Variants in E2F4 observed in about 807,000 individuals in gnomAD.
The protein encoded by E2F4 is E2F transcription factor 4, also known as transcription factor E2F4.
A neutral mutation model predicts 44.5 loss-of-function variants in E2F4; 16 were observed. That is an observed-to-expected ratio of 0.36 (90% CI 0.24 to 0.55). The LOEUF is 0.55. Ranked by LOEUF, E2F4 falls within the 20% of genes least tolerant of loss-of-function variation. The pLI is 0.87. For synonymous variants in E2F4, 242 were observed against 207.2 expected, an observed-to-expected ratio of 1.17 and a Z score of -1.44; for missense variants, 473 against 522.1, an observed-to-expected ratio of 0.91 and a Z score of 0.92.
At chr16:67,192,645 C>A in intron 1 of E2F4, 116 bp from the exon 2 acceptor site, 1 of 1,050,108 alleles carries the variant, frequency 9.5e-7, no homozygotes, top group Non-Finnish European at 1.4e-6. Flanking sequence ...GCTGCAGTAG[C>A]GCCTGGGAGG....
At position 67,198,241 on chromosome 16, in the gene E2F4, G is replaced by T. The variant is rs548304709; in HGVS notation, c.*118G>T. ...AGAGCCACAGACGCCTGGCTTCTCC[G>T]GCCTCCCCTCACCGCACAGTTCTGG... On this transcript the variant is annotated 3_prime_UTR_variant, in exon 10 of 10. Coordinates refer to ENST00000379378, the MANE Select transcript of E2F4 (RefSeq NM_001950.4). 62 of 859,502 alleles carry T rather than the reference G, an allele frequency of 7.2e-5. No homozygotes were observed. The Admixed American group carries it at 1.1e-3, about 16-fold the overall frequency. 53.2% of individuals were successfully genotyped at this position (859,502 alleles called of 1,614,324 possible).
In E2F4 at chr16:67,193,477, C is replaced by G; in HGVS notation, c.413C>G (p.Ala138Gly). Residue 138 changes from alanine (A) to glycine (G), a missense_variant, in exon 4 of 10, where the codon GCC (alanine) becomes GGC (glycine). By Grantham distance (60) the Ala-to-Gly change is moderately conservative. This residue lies in a region of E2F4 where 119 missense variants were observed against 175.6 expected (regional missense o/e 0.68). Coordinates refer to ENST00000379378, the MANE Select transcript of E2F4 (RefSeq NM_001950.4). Reference protein sequence around the residue: ...VTEDVQNSCLAYVTHEDICRC... With the variant: ...VTEDVQNSCLGYVTHEDICRC... ...ATTCTCCTTAACCCTCACACTTTGG[C>G]CTACGTCACTCATGAGGACATCTGC... 6.2e-7 allele frequency: 1 copy of G among 1,614,212 alleles called. No homozygotes were observed. Among genetic ancestry groups the G allele is most frequent in the Non-Finnish European group, 8.5e-7 (1 of 1,180,040 alleles).
chr16:67,198,494 T>C lies in E2F4; in HGVS notation c.*371T>C, dbSNP rs2033014216. 1 of 251,810 alleles carries C rather than the reference T, an allele frequency of 4.0e-6. No individual in the cohort carries two copies. The highest frequency in any genetic ancestry group is 7.9e-6 in the Non-Finnish European group (1 of 127,158). 15.6% of individuals were successfully genotyped at this position (251,810 alleles called of 1,614,324 possible). ...TCAGTGTCTTGCTTCTGCCAGCTCC[T>C]TCCCCTAGGAGGGAAGGGTGGGGTG... On this transcript the variant is annotated 3_prime_UTR_variant, in exon 10 of 10. Transcript: ENST00000379378.
At chr16:67,196,821 TC>T (rs2032977093) in intron 7 of E2F4, among the ~76,000 whole-genome samples, 1 of 152,144 alleles carries the variant, frequency 6.6e-6, no homozygotes, top group Non-Finnish European at 1.5e-5. Context: ...GACCCTTGGC[TC>T]TCACTCTAGT....
chr16:67,194,533 G>T, intron 5 of E2F4, 74 bp downstream of exon 5: 1 of 1,592,410 alleles, frequency 6.3e-7, no homozygotes, highest in Non-Finnish European at 8.6e-7. Flanking sequence ...AGTCCTGGGT[G>T]GGGCAAGTAG....
In E2F4 at chr16:67,192,808, T is replaced by G; in HGVS notation, c.183T>G (p.Ile61Met). The part of the protein sequence containing the change: ...AVRQKRRIYD[I>M]TNVLEGIGLI... ...GCCAGAAGCGGCGGATTTACGACATTACCAATGTTTTGGAAGGTATCGGGC... is the reference window on the plus strand; with the variant it reads ...GCCAGAAGCGGCGGATTTACGACATGACCAATGTTTTGGAAGGTATCGGGC... The change falls in exon 2 of 10, where the codon ATT (isoleucine) becomes ATG (methionine). Residue 61 changes from isoleucine to methionine, a missense_variant. Ile to Met is a conservative substitution (Grantham distance 10). This residue lies in a region of E2F4 where 119 missense variants were observed against 175.6 expected (regional missense o/e 0.68). Transcript: ENST00000379378. 6.2e-7 allele frequency: 1 copy of G among 1,613,042 alleles called. No individual in the cohort carries two copies. The highest frequency in any genetic ancestry group is 8.5e-7 in the Non-Finnish European group (1 of 1,179,522).
Position 67,195,899 on chromosome 16 carries a change from G to T in E2F4, c.926G>T (p.Ser309Ile). The change falls in exon 7 of 10, where the codon AGC becomes ATC. Residue 309 changes from serine (S) to isoleucine (I), a missense_variant. By Grantham distance (142) the Ser-to-Ile change is moderately radical. This residue lies in a region of E2F4 where 314 missense variants were observed against 315.6 expected (regional missense o/e 0.99). Coordinates refer to ENST00000379378, the MANE Select transcript of E2F4 (RefSeq NM_001950.4). ...TCTTCTGCCCTGCTGGACAGCAGCA[G>T]CAGCAGCAGCAGCAGCAGCAGCAGC... The part of the protein sequence containing the change: ...LQSSALLDSS[S>I]SSSSSSSSSS... 6.3e-7 allele frequency: 1 copy of T among 1,576,734 alleles called. No homozygotes were observed. The highest frequency in any genetic ancestry group is 8.6e-7 in the Non-Finnish European group (1 of 1,156,874).
At position 67,198,199 on chromosome 16, in the gene E2F4, G is replaced by T; in HGVS notation, c.*76G>T. The T allele has an allele frequency of 7.6e-7, 1 of 1,309,254 alleles. No individual in the cohort carries two copies. The highest frequency in any genetic ancestry group is 1.1e-6 in the Non-Finnish European group (1 of 914,420). The allele number at this position is 1,309,254 out of a possible 1,614,324, so 81.1% of individuals were successfully genotyped here. On this transcript the variant is annotated 3_prime_UTR_variant, in exon 10 of 10. Coordinates refer to ENST00000379378, the MANE Select transcript of E2F4 (RefSeq NM_001950.4). ...GGTTGCCTGGGGACCTCTCCCACCC[G>T]ACCCCTACAGAGCTTGAGAGCCACA...
Position 67,198,428 on chromosome 16 carries a change from C to T in E2F4, c.*305C>T. On this transcript the variant is annotated 3_prime_UTR_variant, in exon 10 of 10. Coordinates refer to ENST00000379378, the MANE Select transcript of E2F4 (RefSeq NM_001950.4). ...CAGTGGCACAGAACCGAGGAGCTGCCATTACCCCCCATAGGGGGCAGTGTC... is the reference window on the plus strand; with the variant it reads ...CAGTGGCACAGAACCGAGGAGCTGCTATTACCCCCCATAGGGGGCAGTGTC... 5.3e-6 allele frequency: 2 copies of T among 378,844 alleles called. No homozygotes were observed. Among genetic ancestry groups the T allele is most frequent in the Non-Finnish European group, 4.9e-6 (1 of 202,492 alleles). 23.5% of individuals were successfully genotyped at this position (378,844 alleles called of 1,614,324 possible).
chr16:67,197,971 G>A (rs774879472), intron 9 of E2F4, 37 bp from the exon 10 acceptor site: 1 of 1,613,868 alleles, frequency 6.2e-7, no homozygotes, highest in South Asian at 1.1e-5. Flanking sequence ...TGCTAGGGGA[G>A]CCCTGGCCCA....
Position 67,196,119 on chromosome 16 carries a change from C to T in E2F4, c.1033+113C>T, listed in dbSNP as rs565361574. 60 of 1,477,402 alleles carry T rather than the reference C, an allele frequency of 4.1e-5. 1 individual carries two copies. Among genetic ancestry groups the T allele is most frequent in the Admixed American group, 1.7e-4 (10 of 57,324 alleles). 91.5% of individuals were successfully genotyped at this position (1,477,402 alleles called of 1,614,324 possible). A position where few individuals can be genotyped will look rare whatever the true frequency, so the allele number is the denominator to read the frequency against. ...GATCTCCTGTCAACCCTGCTGGACACGAGAGCTCTCTGCCAGCACCTCTGG... is the reference window on the plus strand; with the variant it reads ...GATCTCCTGTCAACCCTGCTGGACATGAGAGCTCTCTGCCAGCACCTCTGG... On this transcript the variant is annotated intron_variant, in intron 7 of 9. Coordinates refer to ENST00000379378, the MANE Select transcript of E2F4 (RefSeq NM_001950.4).
intron 6 of E2F4, 48 bp from the exon 7 acceptor site, chr16:67,195,734 G>A (rs536606769): frequency 7.5e-6 from 12 of 1,608,124 alleles, no homozygotes; most frequent in African/African-American, 2.7e-5. Context: ...CAGTTTCAAC[G>A]ACCTCTTCCT....
In E2F4 at chr16:67,198,575, G is replaced by T. The variant is rs770458332; in HGVS notation, c.*452G>T. On this transcript the variant is annotated 3_prime_UTR_variant, in exon 10 of 10. Coordinates refer to ENST00000379378, the MANE Select transcript of E2F4 (RefSeq NM_001950.4). ...CTTCCTTCGCTATCCCCCACCCCCT[G>T]ACCCTCCAGCTCCTCCTGGCCCTCT... 4.6e-4 allele frequency: 87 copies of T among 188,168 alleles called. 1 individual carries two copies. Among genetic ancestry groups the T allele is most frequent in the Non-Finnish European group, 8.0e-4 (72 of 89,560 alleles). The allele number at this position is 188,168 out of a possible 1,614,324, so 11.7% of individuals were successfully genotyped here. A position where few individuals can be genotyped will look rare whatever the true frequency, so the allele number is the denominator to read the frequency against.
rs891817107 is a variant in E2F4 at position 67,198,856 on chromosome 16, C to T, written c.*733C>T. The T allele has an allele frequency of 9.0e-5, 36 of 400,864 alleles. No individual in the cohort carries two copies. The highest frequency in any genetic ancestry group is 1.4e-4 in the Non-Finnish European group (32 of 223,732). The allele number at this position is 400,864 out of a possible 1,614,324, so 24.8% of individuals were successfully genotyped here. A position where few individuals can be genotyped will look rare whatever the true frequency, so the allele number is the denominator to read the frequency against. ...ATAAAGATTATTTTTATACTTTTTGCAGCAAAAGGAAATTGTAATATTTGT... is the reference window on the plus strand; with the variant it reads ...ATAAAGATTATTTTTATACTTTTTGTAGCAAAAGGAAATTGTAATATTTGT... On this transcript the variant is annotated 3_prime_UTR_variant, in exon 10 of 10. Coordinates refer to ENST00000379378, the MANE Select transcript of E2F4 (RefSeq NM_001950.4).
chr16:67,198,303 C>G lies in E2F4; in HGVS notation c.*180C>G. On this transcript the variant is annotated 3_prime_UTR_variant, in exon 10 of 10. Transcript: ENST00000379378. ...GCTCCTGTGCTGGCACTTCTGTGCTCGCAGAGCAGGGGAACAGGACTCAGC... is the reference window on the plus strand; with the variant it reads ...GCTCCTGTGCTGGCACTTCTGTGCTGGCAGAGCAGGGGAACAGGACTCAGC... The G allele has an allele frequency of 4.9e-6, 3 of 609,388 alleles. No homozygotes were observed. Among genetic ancestry groups the G allele is most frequent in the Non-Finnish European group, 8.8e-6 (3 of 342,020 alleles). 37.7% of individuals were successfully genotyped at this position (609,388 alleles called of 1,614,324 possible). A position where few individuals can be genotyped will look rare whatever the true frequency, so the allele number is the denominator to read the frequency against.
intron 4 of E2F4, 24 bp from the exon 5 acceptor site, chr16:67,194,374 G>A: frequency 6.2e-7 from 1 of 1,613,780 alleles, no homozygotes; most frequent in South Asian, 1.1e-5. Flanking sequence ...CATGGGCTCT[G>A]ACCCATTCTC....
rs751631573 is a variant in E2F4 at position 67,194,845 on chromosome 16, C to T, written c.673C>T (p.Pro225Ser). The change falls in exon 6 of 10, where the codon CCT becomes TCT. Residue 225 changes from proline to serine, a missense_variant. Coordinates refer to ENST00000379378, the MANE Select transcript of E2F4 (RefSeq NM_001950.4). ...CCAGAGCCCATCTGCTGTTTCTACA[C>T]CTCCACCTCTGCCCAAGCCTGCCCT... ...LLQSPSAVST[P>S]PPLPKPALAQ... The T allele has an allele frequency of 7.4e-6, 12 of 1,614,198 alleles. No individual in the cohort carries two copies. The Admixed American group carries it at 8.3e-5, about 11-fold the overall frequency.
chr16:67,198,146 G>T lies in E2F4; in HGVS notation c.*23G>T. 6.2e-7 allele frequency: 1 copy of T among 1,607,004 alleles called. No individual in the cohort carries two copies. The highest frequency in any genetic ancestry group is 1.1e-5 in the South Asian group (1 of 90,948). ...TGACTGACAGGGACATGCCCTGTGT[G>T]GCTGGGACCCAGACTGTCTGACCTG... On this transcript the variant is annotated 3_prime_UTR_variant, in exon 10 of 10. Coordinates refer to ENST00000379378, the MANE Select transcript of E2F4 (RefSeq NM_001950.4).
chr16:67,193,386 T>A (rs778560573), intron 3 of E2F4, 86 bp from the exon 4 acceptor site: 2 of 1,566,202 alleles, frequency 1.3e-6, no homozygotes, highest in Non-Finnish European at 1.8e-6. Context: ...GGCCTGTGTG[T>A]CAGACCTTAG....
Sources: gnomAD v4.1 joint callset for allele counts (sites outside exome capture counted in the v4.1 genomes callset) on GRCh38, gnomAD v4.1.1 for gene constraint, gnomAD v4.1.1 regional missense constraint, MANE v1.5 for transcripts, NCBI Gene and HGNC (gene_info 2026-07-23, HGNC 2026-07-21) for gene names.